The following TMEM200A variants were observed in gnomAD, a reference collection of about 807,000 sequenced individuals.
TMEM200A encodes the protein two transmembrane C.
In TMEM200A, 12 loss-of-function variants were observed where a neutral mutation model predicts 24.3. The observed-to-expected ratio is 0.49, with a 90% CI of 0.32 to 0.80. TMEM200A has a LOEUF of 0.80. TMEM200A is among the 30% of genes least tolerant of loss of function. TMEM200A has a pLI of 0.04. For synonymous variants in TMEM200A, 224 were observed against 224.4 expected, an observed-to-expected ratio of 1.00 and a Z score of 0.02; for missense variants, 545 against 614.4, an observed-to-expected ratio of 0.89 and a Z score of 1.19.
chr6:130,402,460 G>C (rs1369565291), intron 2 of TMEM200A, among the ~76,000 whole-genome samples: 1 of 151,970 alleles, frequency 6.6e-6, no homozygotes, highest in Non-Finnish European at 1.5e-5. Context: ...CTTTTATTAT[G>C]CTTATGAGAA....
intron 2 of TMEM200A, among the ~76,000 whole-genome samples, chr6:130,427,581 G>A (rs1779776112): frequency 6.6e-6 from 1 of 152,010 alleles, no homozygotes; most frequent in Non-Finnish European, 1.5e-5. Context: ...GGCAGGGGGT[G>A]GCAAAGGGAA....
intron 1 of TMEM200A, among the ~76,000 whole-genome samples, chr6:130,368,971 G>T (rs11963673): frequency 0.032 from 4,800 of 152,236 alleles, 255 homozygotes; most frequent in African/African-American, 0.11. Flanking sequence ...GCAAATTCTG[G>T]CAGAATTAAA....
chr6:130,388,708 A>G (rs964399752), intron 2 of TMEM200A, among the ~76,000 whole-genome samples: 26 of 152,334 alleles, frequency 1.7e-4, no homozygotes, highest in African/African-American at 5.3e-4. Flanking sequence ...TTTACATTAA[A>G]TAGTTCATTA....
intron 2 of TMEM200A, among the ~76,000 whole-genome samples, chr6:130,405,253 G>T (rs1429437946): frequency 6.6e-6 from 1 of 152,070 alleles, no homozygotes; most frequent in African/African-American, 2.4e-5. Flanking sequence ...GGGCAGTGTG[G>T]CCATTTTAAT....
chr6:130,383,148 G>T, intron 1 of TMEM200A: 2 of 768,028 alleles, frequency 2.6e-6, no homozygotes, highest in Non-Finnish European at 3.2e-6. Context: ...TTCATTAGTT[G>T]TCCGTAGCAT....
intron 2 of TMEM200A, among the ~76,000 whole-genome samples, chr6:130,429,482 G>A (rs1269940604): frequency 1.3e-5 from 2 of 152,038 alleles, no homozygotes; most frequent in African/African-American, 2.4e-5. Flanking sequence ...TACTGGATTT[G>A]GTATATAGTA....
chr6:130,405,690 G>A (rs918484768), intron 2 of TMEM200A, among the ~76,000 whole-genome samples: 4 of 152,192 alleles, frequency 2.6e-5, no homozygotes, highest in Non-Finnish European at 5.9e-5. Context: ...CACAGTCATG[G>A]TTTCCAGCTC....
rs2115056009 is a variant in TMEM200A at position 130,366,556 on chromosome 6, G to A, written c.-81+32G>A. On this transcript the variant is annotated intron_variant, in intron 1 of 2. Coordinates refer to ENST00000296978, the MANE Select transcript of TMEM200A (RefSeq NM_001258277.2). The surrounding 1 kb of genome is among the most constrained non-coding windows in gnomAD (Gnocchi z 4.4). The stretch of plus-strand genomic sequence containing the variant: ...GGAAGGAAAGGGTGCTGACGGGAGT[G>A]GGGAGGTGGGTGGGCGGCCACCGCA... 1.0e-6 allele frequency: 1 copy of A among 985,920 alleles called. No homozygotes were observed. Among genetic ancestry groups the A allele is most frequent in the African/African-American group, 1.7e-5 (1 of 57,364 alleles). The allele number at this position is 985,920 out of a possible 1,614,324, so 61.1% of individuals were successfully genotyped here. A position where few individuals can be genotyped will look rare whatever the true frequency, so the allele number is the denominator to read the frequency against.
intron 2 of TMEM200A, among the ~76,000 whole-genome samples, chr6:130,401,103 C>A (rs1419761353): frequency 2.0e-5 from 3 of 151,892 alleles, no homozygotes; most frequent in South Asian, 2.1e-4. Context: ...TATGCATTAA[C>A]CTTTTTTGTT....
intron 2 of TMEM200A, among the ~76,000 whole-genome samples, chr6:130,420,035 T>G (rs942387795): frequency 6.6e-6 from 1 of 152,108 alleles, no homozygotes; most frequent in Admixed American, 6.5e-5. Context: ...ATCCTCTCCA[T>G]GAAAGTGGAG....
intron 1 of TMEM200A, among the ~76,000 whole-genome samples, chr6:130,374,750 A>G (rs1778409027): frequency 6.6e-6 from 1 of 152,130 alleles, no homozygotes. Context: ...TTTTTCCCCT[A>G]GAAAACTTCT....
At chr6:130,385,748 C>A (rs1778697451) in intron 2 of TMEM200A, among the ~76,000 whole-genome samples, 1 of 152,278 alleles carries the variant, frequency 6.6e-6, no homozygotes, top group South Asian at 2.1e-4. Flanking sequence ...TTGAAAACTT[C>A]TAAGAGTCTG....
chr6:130,436,630 CCTTTTTTTTTTT>C lies in TMEM200A; in HGVS notation c.-16-3776_-16-3765del, dbSNP rs1319146591. On this transcript the variant is annotated intron_variant, in intron 2 of 2. Coordinates refer to ENST00000296978, the MANE Select transcript of TMEM200A (RefSeq NM_001258277.2). ...TTCACTAGGCTTCGTTTTTCTTTAT[CCTTTTTTTTTTT>C]TTTTTTTTTTTTTTTTTTTTCAGAG... is the stretch of plus-strand genomic sequence containing the variant. Among the ~76,000 whole-genome samples, 66 of 66,770 alleles carry C rather than the reference CCTTTTTTTTTTT, an allele frequency of 9.9e-4. 4 individuals carry two copies. Among genetic ancestry groups the C allele is most frequent in the Admixed American group, 2.9e-3 (15 of 5,100 alleles). The allele number at this position is 66,770 out of a possible 152,430, so 43.8% of individuals were successfully genotyped here.
intron 2 of TMEM200A, among the ~76,000 whole-genome samples, chr6:130,427,709 A>G (rs1429239853): frequency 6.6e-6 from 1 of 151,880 alleles, no homozygotes; most frequent in Non-Finnish European, 1.5e-5. Flanking sequence ...TAATGGTCAT[A>G]ATCAATCTTT....
chr6:130,424,960 GC>G (rs1373390451), intron 2 of TMEM200A, among the ~76,000 whole-genome samples: 1 of 152,064 alleles, frequency 6.6e-6, no homozygotes, highest in African/African-American at 2.4e-5. Context: ...TTTGAAAACA[GC>G]TTGAAGGTCA....
intron 1 of TMEM200A, among the ~76,000 whole-genome samples, chr6:130,375,561 T>C (rs1182987040): frequency 1.3e-5 from 2 of 152,170 alleles, no homozygotes; most frequent in Admixed American, 1.3e-4. Context: ...CAAAAAGTGC[T>C]GTAAGGGAAG....
intron 2 of TMEM200A, among the ~76,000 whole-genome samples, chr6:130,415,292 A>T (rs1779423595): frequency 6.6e-6 from 1 of 152,140 alleles, no homozygotes. Flanking sequence ...AGCACATAAT[A>T]AGGTACTAAG....
chr6:130,392,423 C>T (rs1276289675), intron 2 of TMEM200A, among the ~76,000 whole-genome samples: 2 of 152,218 alleles, frequency 1.3e-5, no homozygotes, highest in African/African-American at 4.8e-5. Context: ...GCAGTATGCA[C>T]AGTTCATTCT....
chr6:130,399,405 A>G (rs1432875471), intron 2 of TMEM200A, among the ~76,000 whole-genome samples: 2 of 151,882 alleles, frequency 1.3e-5, no homozygotes, highest in African/African-American at 2.4e-5. Context: ...TAATAGACCA[A>G]TTTGGACTTT....
Sources: allele counts gnomAD v4.1 joint callset (sites outside exome capture counted in the v4.1 genomes callset), GRCh38; gene constraint gnomAD v4.1.1; non-coding constraint Gnocchi (gnomAD v3.1); transcripts MANE v1.5; gene names NCBI Gene and HGNC (gene_info 2026-07-23, HGNC 2026-07-21).